IGF1: variants seen among roughly 807,000 people sequenced by gnomAD.
The protein encoded by IGF1 is insulin like growth factor 1.
Under a neutral mutation model 13.8 loss-of-function variants are expected in IGF1, and 4 were observed. The observed-to-expected ratio is 0.29, with a 90% CI of 0.14 to 0.66. IGF1 has a LOEUF of 0.66. Ranked by LOEUF, IGF1 falls within the 30% of genes least tolerant of loss-of-function variation. The pLI is 0.78. For missense variants in IGF1, 124 were observed against 188.5 expected (o/e 0.66, Z 2.00); for synonymous variants, 76 against 72.6 (o/e 1.05, Z -0.23).
chr12:102,452,033 C>T (rs1455501404), intron 2 of IGF1, among the ~76,000 whole-genome samples: 7 of 152,030 alleles, frequency 4.6e-5, no homozygotes, highest in East Asian at 1.9e-4. Context: ...GAGGCCGAGG[C>T]GGGCGGATCA....
intron 2 of IGF1, among the ~76,000 whole-genome samples, chr12:102,464,151 G>T (rs1431465268): frequency 6.6e-6 from 1 of 152,048 alleles, no homozygotes; most frequent in Non-Finnish European, 1.5e-5. Flanking sequence ...CTGAGTGGAG[G>T]TTCTGTTCTC....
In IGF1 at chr12:102,401,888, A is replaced by G. The variant is rs1025972039; in HGVS notation, c.*619T>C. On this transcript the variant is annotated 3_prime_UTR_variant, in exon 4 of 4. Transcript: ENST00000337514. ...AAGCTTTGTGTCTAAAATAAAATGC[A>G]TCCAACTTATATTTGGTACAAATGC... 6.6e-6 allele frequency: 1 copy of G among 152,654 alleles called. No individual in the cohort carries two copies. Among genetic ancestry groups the G allele is most frequent in the Non-Finnish European group, 1.5e-5 (1 of 68,046 alleles). 9.5% of individuals were successfully genotyped at this position (152,654 alleles called of 1,614,324 possible). A position where few individuals can be genotyped will look rare whatever the true frequency, so the allele number is the denominator to read the frequency against.
intron 2 of IGF1, among the ~76,000 whole-genome samples, chr12:102,424,816 T>C (rs775972381): frequency 2.0e-5 from 3 of 152,164 alleles, no homozygotes; most frequent in Non-Finnish European, 2.9e-5. Context: ...ATGTAATACA[T>C]TGAATGGTTG....
intron 2 of IGF1, among the ~76,000 whole-genome samples, chr12:102,470,459 C>T (rs1880615286): frequency 6.6e-6 from 1 of 152,148 alleles, no homozygotes; most frequent in Non-Finnish European, 1.5e-5. Flanking sequence ...AGAAACTGGT[C>T]CTTTACTATT....
At chr12:102,472,957 A>G (rs1280381218) in intron 2 of IGF1, among the ~76,000 whole-genome samples, 2 of 152,312 alleles carry the variant, frequency 1.3e-5, no homozygotes, top group East Asian at 1.9e-4. Flanking sequence ...ACAGTACTTG[A>G]CAACCTTAAT....
Position 102,401,994 on chromosome 12 carries a change from A to G in IGF1, c.*513T>C, listed in dbSNP as rs1466018527. Reference sequence around the variant, plus strand: ...CTTTTGAGGAGGCCAAATTCGGCAAATATAAAGGTTATGAAGGGAGGTGGT... The same window carrying G: ...CTTTTGAGGAGGCCAAATTCGGCAAGTATAAAGGTTATGAAGGGAGGTGGT... On this transcript the variant is annotated 3_prime_UTR_variant, in exon 4 of 4. Transcript: ENST00000337514. 2 of 152,706 alleles carry G rather than the reference A, an allele frequency of 1.3e-5. No homozygotes were observed. Among genetic ancestry groups the G allele is most frequent in the Admixed American group, 1.3e-4 (2 of 15,276 alleles). 9.5% of individuals were successfully genotyped at this position (152,706 alleles called of 1,614,324 possible).
intron 3 of IGF1, among the ~76,000 whole-genome samples, chr12:102,409,902 G>A (rs1874485705): frequency 6.6e-6 from 1 of 152,156 alleles, no homozygotes. Flanking sequence ...TGTTACTATT[G>A]TCAAAGCAGT....
At chr12:102,444,924 C>T (rs568467067) in intron 2 of IGF1, among the ~76,000 whole-genome samples, 1 of 152,148 alleles carries the variant, frequency 6.6e-6, no homozygotes, top group Admixed American at 6.5e-5. Context: ...GAGAGGTGGC[C>T]TCCACTCAAG....
At chr12:102,451,091 A>G (rs1342106693) in intron 2 of IGF1, among the ~76,000 whole-genome samples, 5 of 152,222 alleles carry the variant, frequency 3.3e-5, no homozygotes, top group Admixed American at 2.0e-4. Context: ...CTCTAAAGTT[A>G]TATCAAGTGA....
chr12:102,441,906 G>GCTGCTTCTTCTTCTTCTTCTTTCTTCTT, intron 2 of IGF1, among the ~76,000 whole-genome samples: 19 of 100,344 alleles, frequency 1.9e-4, no homozygotes, highest in Non-Finnish European at 3.3e-4. Context: ...CTATTACACT[G>GCTGCTTCTTCTTCTTCTTCTTTCTTCTT]CTTCTTCTCC....
intron 2 of IGF1, among the ~76,000 whole-genome samples, chr12:102,434,484 A>C (rs373443996): frequency 2.7e-5 from 4 of 148,456 alleles, no homozygotes; most frequent in Admixed American, 1.3e-4. Context: ...TGAACTCATC[A>C]TTTTTTATGG....
intron 2 of IGF1, among the ~76,000 whole-genome samples, chr12:102,467,351 T>C (rs1179570997): frequency 6.6e-6 from 1 of 152,114 alleles, no homozygotes; most frequent in Admixed American, 6.5e-5. Flanking sequence ...AAATTTCTTT[T>C]GGTTTGGGAC....
At chr12:102,464,866 G>A (rs188918199) in intron 2 of IGF1, among the ~76,000 whole-genome samples, 5 of 152,280 alleles carry the variant, frequency 3.3e-5, no homozygotes, top group East Asian at 1.9e-4. Context: ...TGCTTTTTGA[G>A]GCTAAGCAGA....
intron 2 of IGF1, among the ~76,000 whole-genome samples, chr12:102,429,514 A>C (rs900285472): frequency 6.6e-6 from 1 of 152,220 alleles, no homozygotes; most frequent in Non-Finnish European, 1.5e-5. Context: ...ACTATGAATA[A>C]GGAAAAAGAA....
chr12:102,475,537 C>T, intron 2 of IGF1, 106 bp downstream of exon 2: 3 of 1,297,430 alleles, frequency 2.3e-6, no homozygotes, highest in Non-Finnish European at 3.3e-6. Flanking sequence ...GGATGGCTGC[C>T]AGATACGGGC....
At chr12:102,466,352 G>C (rs561235530) in intron 2 of IGF1, among the ~76,000 whole-genome samples, 7 of 152,068 alleles carry the variant, frequency 4.6e-5, no homozygotes, top group Admixed American at 1.3e-4. Flanking sequence ...ATCTCGACTC[G>C]GGGGTGATTT....
chr12:102,455,444 C>T (rs1355706937), intron 2 of IGF1, among the ~76,000 whole-genome samples: 3 of 152,216 alleles, frequency 2.0e-5, no homozygotes, highest in African/African-American at 2.4e-5. Flanking sequence ...TTCCAAACCT[C>T]TGATTCATGT....
intron 2 of IGF1, among the ~76,000 whole-genome samples, chr12:102,466,536 T>G (rs1210495670): frequency 6.6e-6 from 1 of 152,122 alleles, no homozygotes; most frequent in Non-Finnish European, 1.5e-5. Context: ...ATGTCAATAG[T>G]GTTGAGGCTG....
intron 2 of IGF1, among the ~76,000 whole-genome samples, chr12:102,421,361 T>G (rs1875702284): frequency 6.6e-6 from 1 of 152,160 alleles, no homozygotes; most frequent in Non-Finnish European, 1.5e-5. Flanking sequence ...TTTTTTTGTT[T>G]TTTTGTTTTT....
Sources: gnomAD v4.1 joint callset for allele counts (sites outside exome capture counted in the v4.1 genomes callset) on GRCh38, gnomAD v4.1.1 for gene constraint, MANE v1.5 for transcripts, NCBI Gene and HGNC (gene_info 2026-07-23, HGNC 2026-07-21) for gene names.